Variants in SPCS3 observed in about 807,000 individuals in gnomAD.
SPCS3 encodes the protein SPase 22 kDa subunit.
In SPCS3, 9 loss-of-function variants were observed where a neutral mutation model predicts 17.2. The ratio of observed to expected loss-of-function variants is 0.52; its 90% confidence interval spans 0.31 to 0.91. The LOEUF is 0.91. Among genes scored for constraint, SPCS3 ranks in the 40% least tolerant of loss-of-function variants. The probability of loss-of-function intolerance (pLI) is 0.04; values close to 1 mark genes in which losing one functional copy is unlikely to be tolerated. For missense variants in SPCS3, 139 were observed against 217.5 expected, an observed-to-expected ratio of 0.64 and a Z score of 2.27; for synonymous variants, 87 against 89.6, an observed-to-expected ratio of 0.97 and a Z score of 0.16.
At chr4:176,325,611 A>C (rs1229376737) in intron 3 of SPCS3, among the ~76,000 whole-genome samples, 1 of 151,734 alleles carries the variant, frequency 6.6e-6, no homozygotes, top group East Asian at 1.9e-4. Flanking sequence ...GGTAGTCTAC[A>C]TTAAGCCATA....
intron 2 of SPCS3, among the ~76,000 whole-genome samples, chr4:176,322,644 A>G (rs1731553627): frequency 6.6e-6 from 1 of 151,012 alleles, no homozygotes; most frequent in Admixed American, 6.6e-5. Flanking sequence ...GCAGAGAGAA[A>G]CATATGTTTA....
intron 4 of SPCS3, 61 bp downstream of exon 4, chr4:176,327,338 A>G (rs983942126): frequency 1.8e-5 from 19 of 1,053,026 alleles, no homozygotes; most frequent in Non-Finnish European, 2.4e-5. Context: ...AGAAAGATGT[A>G]TTTTTATTTT....
Position 176,329,430 on chromosome 4 carries a change from T to C in SPCS3, c.*1100T>C, listed in dbSNP as rs1171682933. The C allele has an allele frequency of 6.6e-6, 1 of 152,162 alleles. No individual in the cohort carries two copies. Among genetic ancestry groups the C allele is most frequent in the Non-Finnish European group, 1.5e-5 (1 of 67,988 alleles). 9.4% of individuals were successfully genotyped at this position (152,162 alleles called of 1,614,324 possible). A position where few individuals can be genotyped will look rare whatever the true frequency, so the allele number is the denominator to read the frequency against. On this transcript the variant is annotated 3_prime_UTR_variant, in exon 5 of 5. Coordinates refer to ENST00000503362, the MANE Select transcript of SPCS3 (RefSeq NM_021928.4). ...CTCATCCTTTCTCTTATACCTCAGA[T>C]TGCAGACTAATCAAATTTTACTTAA... is the stretch of plus-strand genomic sequence containing the variant.
intron 3 of SPCS3, 115 bp from the exon 4 acceptor site, chr4:176,327,047 C>A: frequency 1.6e-6 from 1 of 610,854 alleles, no homozygotes; most frequent in African/African-American, 2.0e-5. Context: ...TTTCAGCAAG[C>A]TCCTCAAGTT....
At chr4:176,326,173 C>T (rs1423113055) in intron 3 of SPCS3, among the ~76,000 whole-genome samples, 11 of 151,862 alleles carry the variant, frequency 7.2e-5, no homozygotes, top group African/African-American at 1.4e-4. Flanking sequence ...TAGTGGTGCG[C>T]GCCTGTAATC....
At chr4:176,322,281 G>C in intron 2 of SPCS3, 38 bp downstream of exon 2, 1 of 1,335,546 alleles carries the variant, frequency 7.5e-7, no homozygotes, top group Non-Finnish European at 1.1e-6. Context: ...GTTTTCTGTA[G>C]TTTTATAATG....
intron 4 of SPCS3, among the ~76,000 whole-genome samples, chr4:176,327,647 G>A (rs1228523922): frequency 2.0e-5 from 3 of 152,222 alleles, no homozygotes; most frequent in Non-Finnish European, 2.9e-5. Flanking sequence ...GTTAAAAGAA[G>A]TAGTATTGGT....
intron 2 of SPCS3, among the ~76,000 whole-genome samples, chr4:176,323,222 A>C (rs1052656788): frequency 6.6e-6 from 1 of 152,108 alleles, no homozygotes. Flanking sequence ...GTCTTTGTGT[A>C]ATTTTTAAAA....
Position 176,328,394 on chromosome 4 carries a change from C to T in SPCS3, c.*64C>T. 1 of 1,312,954 alleles carries T rather than the reference C, an allele frequency of 7.6e-7. No individual in the cohort carries two copies. Among genetic ancestry groups the T allele is most frequent in the Non-Finnish European group, 1.0e-6 (1 of 1,001,414 alleles). 81.3% of individuals were successfully genotyped at this position (1,312,954 alleles called of 1,614,324 possible). Reference sequence around the variant, plus strand: ...TGAATTGTATCTCATTAATCTCTTCCCTTACATCTTCATGTATTGTTGGTT... The same window carrying T: ...TGAATTGTATCTCATTAATCTCTTCTCTTACATCTTCATGTATTGTTGGTT... On this transcript the variant is annotated 3_prime_UTR_variant, in exon 5 of 5. Coordinates refer to ENST00000503362, the MANE Select transcript of SPCS3 (RefSeq NM_021928.4).
At chr4:176,327,383 T>C in intron 4 of SPCS3, 106 bp downstream of exon 4, 1 of 683,974 alleles carries the variant, frequency 1.5e-6, no homozygotes, top group South Asian at 2.2e-5. Context: ...GGAGAAAAAT[T>C]GGGAAAGAAG....
chr4:176,323,414 A>C (rs1560837477), intron 2 of SPCS3, among the ~76,000 whole-genome samples: 1 of 152,182 alleles, frequency 6.6e-6, no homozygotes. Flanking sequence ...TCTTGTAAAC[A>C]GCAGTCCTAG....
Position 176,328,528 on chromosome 4 carries a change from C to CA in SPCS3, c.*205dup, listed in dbSNP as rs1264610872. 6.5e-6 allele frequency: 2 copies of CA among 309,376 alleles called. No homozygotes were observed. The highest frequency in any genetic ancestry group is 5.6e-6 in the Non-Finnish European group (1 of 178,514). The allele number at this position is 309,376 out of a possible 1,614,324, so 19.2% of individuals were successfully genotyped here. A position where few individuals can be genotyped will look rare whatever the true frequency, so the allele number is the denominator to read the frequency against. ...GGGCTACTTAATATTATGAACAAAA[C>CA]AAAAAAACAAGGCTGCCACAGTGGA... On this transcript the variant is annotated 3_prime_UTR_variant, in exon 5 of 5. Transcript: ENST00000503362.
At chr4:176,328,095 A>G (rs1731632315) in intron 4 of SPCS3, 103 bp from the exon 5 acceptor site, 1 of 1,046,504 alleles carries the variant, frequency 9.6e-7, no homozygotes, top group African/African-American at 1.6e-5. Flanking sequence ...TGTTAGGAAT[A>G]GATGGTTATA....
At chr4:176,328,122 T>C (rs1215791586) in intron 4 of SPCS3, 76 bp from the exon 5 acceptor site, 2 of 1,324,548 alleles carry the variant, frequency 1.5e-6, no homozygotes, top group African/African-American at 3.0e-5. Flanking sequence ...GTATTTGACA[T>C]CTCAGTGTTT....
At chr4:176,325,705 T>C (rs1282758943) in intron 3 of SPCS3, among the ~76,000 whole-genome samples, 1 of 152,140 alleles carries the variant, frequency 6.6e-6, no homozygotes, top group Non-Finnish European at 1.5e-5. Flanking sequence ...AATCTGAGTA[T>C]CTGAGTACTT....
rs56274710 is a variant in SPCS3 at position 176,325,207 on chromosome 4, C to T, written c.294+950C>T. Among the ~76,000 whole-genome samples the T allele has an allele frequency of 2.7e-3, 413 of 152,016 alleles. 3 individuals carry two copies. Among genetic ancestry groups the T allele is most frequent in the African/African-American group, 8.1e-3 (337 of 41,442 alleles). On this transcript the variant is annotated intron_variant, in intron 3 of 4. Coordinates refer to ENST00000503362, the MANE Select transcript of SPCS3 (RefSeq NM_021928.4). ...AGTAGCTGGGATTACAGGCGCCTGC[C>T]ACCATTCCCAGCTAATTTTTGTATT...
In SPCS3 at chr4:176,320,235, C is replaced by CCGGCGGTGCAGGACGCCGGGA; in HGVS notation, c.143+18_143+38dup. 1 of 1,543,980 alleles carries CCGGCGGTGCAGGACGCCGGGA rather than the reference C, an allele frequency of 6.5e-7. No homozygotes were observed. Among genetic ancestry groups the CCGGCGGTGCAGGACGCCGGGA allele is most frequent in the Non-Finnish European group, 8.7e-7 (1 of 1,145,816 alleles). Reference sequence around the variant, plus strand: ...GGATCATGCTGTGAGTGAGGCCGGGCCGGCGGTGCAGGACGCCGGGACCGG... The same window carrying CCGGCGGTGCAGGACGCCGGGA: ...GGATCATGCTGTGAGTGAGGCCGGGCCGGCGGTGCAGGACGCCGGGACGGCGGTGCAGGACGCCGGGACCGG... On this transcript the variant is annotated intron_variant, in intron 1 of 4. Transcript: ENST00000503362.
At chr4:176,328,056 C>A in intron 4 of SPCS3, 142 bp from the exon 5 acceptor site, 1 of 736,468 alleles carries the variant, frequency 1.4e-6, no homozygotes, top group Non-Finnish European at 2.1e-6. Flanking sequence ...GAAAATAGTT[C>A]TTTTTGCAGA....
chr4:176,325,378 A>G (rs141994467), intron 3 of SPCS3, among the ~76,000 whole-genome samples: 2,890 of 152,132 alleles, frequency 0.019, 51 homozygotes, highest in Non-Finnish European at 0.027. Flanking sequence ...AAGCTAAAAT[A>G]TTCTCTCTCC....
Sources: allele counts gnomAD v4.1 joint callset (sites outside exome capture counted in the v4.1 genomes callset), GRCh38; gene constraint gnomAD v4.1.1; transcripts MANE v1.5; gene names NCBI Gene and HGNC (gene_info 2026-07-23, HGNC 2026-07-21).